The following SYNPR variants were observed in gnomAD, a reference collection of about 807,000 sequenced individuals.
SYNPR encodes the protein synaptoporin.
A neutral mutation model predicts 32.9 loss-of-function variants in SYNPR; 23 were observed. The observed-to-expected ratio is 0.70, with a 90% CI of 0.50 to 0.99. SYNPR has a LOEUF of 0.99. Ranked by LOEUF, SYNPR falls within the 50% of genes least tolerant of loss-of-function variation. SYNPR has a pLI of 0.00. For missense variants in SYNPR, 318 were observed against 349.3 expected, an observed-to-expected ratio of 0.91 and a Z score of 0.71; for synonymous variants, 146 against 135.9, an observed-to-expected ratio of 1.07 and a Z score of -0.52.
chr3:63,442,251 CGAGAGA>C (rs10537945), intron 2 of SYNPR, among the ~76,000 whole-genome samples: 1 of 150,136 alleles, frequency 6.7e-6, no homozygotes, highest in African/African-American at 2.5e-5. Flanking sequence ...GGAAGGAAAG[CGAGAGA>C]GAGAGAGACA....
chr3:63,336,660 CAT>C (rs2087299624), intron 2 of SYNPR, among the ~76,000 whole-genome samples: 1 of 145,982 alleles, frequency 6.9e-6, no homozygotes, highest in Admixed American at 7.0e-5. Context: ...TCAAAGACAA[CAT>C]AGAAAAAAAT....
intron 5 of SYNPR, among the ~76,000 whole-genome samples, chr3:63,609,517 G>A (rs1700169453): frequency 6.6e-6 from 1 of 152,144 alleles, no homozygotes; most frequent in Admixed American, 6.5e-5. Context: ...TTGTAATGTT[G>A]CCGATTAAGG....
At chr3:63,295,987 A>T (rs1419944964) in intron 2 of SYNPR, among the ~76,000 whole-genome samples, 3 of 152,214 alleles carry the variant, frequency 2.0e-5, no homozygotes, top group Non-Finnish European at 4.4e-5. Flanking sequence ...CCTGGGTAGC[A>T]TGCACAAGGC....
intron 3 of SYNPR, among the ~76,000 whole-genome samples, chr3:63,529,629 G>A (rs1212581069): frequency 6.6e-6 from 1 of 152,212 alleles, no homozygotes; most frequent in African/African-American, 2.4e-5. Flanking sequence ...AGAAGTTGAT[G>A]TCTTGACAGA....
chr3:63,507,493 C>G (rs1701612020), intron 3 of SYNPR, among the ~76,000 whole-genome samples: 1 of 152,076 alleles, frequency 6.6e-6, no homozygotes, highest in South Asian at 2.1e-4. Flanking sequence ...AAGTGTTTAT[C>G]AGAAGTGCCA....
chr3:63,381,482 G>C (rs371740322), intron 2 of SYNPR, among the ~76,000 whole-genome samples: 198 of 152,314 alleles, frequency 1.3e-3, no homozygotes, highest in Middle Eastern at 6.8e-3. Flanking sequence ...TACTGCCCAA[G>C]GTAATTTATA....
intron 2 of SYNPR, among the ~76,000 whole-genome samples, chr3:63,297,290 A>G (rs770641901): frequency 1.3e-5 from 2 of 152,136 alleles, no homozygotes; most frequent in African/African-American, 4.8e-5. Context: ...AAGACCCTGT[A>G]TTTTCCAGAC....
At chr3:63,439,357 G>A (rs1280532030) in intron 2 of SYNPR, among the ~76,000 whole-genome samples, 1 of 152,188 alleles carries the variant, frequency 6.6e-6, no homozygotes. Flanking sequence ...AAAGGCAGTA[G>A]CAACAATGTG....
chr3:63,615,710 C>T lies in SYNPR; in HGVS notation c.*229C>T, dbSNP rs986305987. On this transcript the variant is annotated 3_prime_UTR_variant, in exon 6 of 6. Transcript: ENST00000478300. ...ATCATAGATGGCTAATTGGAGAGTACCTTGTTATATATACAGATACTTTCA... is the reference window on the plus strand; with the variant it reads ...ATCATAGATGGCTAATTGGAGAGTATCTTGTTATATATACAGATACTTTCA... 3.9e-6 allele frequency: 2 copies of T among 510,700 alleles called. No homozygotes were observed. Among genetic ancestry groups the T allele is most frequent in the Non-Finnish European group, 6.8e-6 (2 of 294,386 alleles). 31.6% of individuals were successfully genotyped at this position (510,700 alleles called of 1,614,324 possible).
intron 2 of SYNPR, among the ~76,000 whole-genome samples, chr3:63,424,410 A>G (rs1193814067): frequency 6.6e-6 from 1 of 152,176 alleles, no homozygotes; most frequent in African/African-American, 2.4e-5. Context: ...AACACCTTTG[A>G]GACTACTTCA....
chr3:63,436,897 G>C (rs952492015), intron 2 of SYNPR, among the ~76,000 whole-genome samples: 1 of 152,036 alleles, frequency 6.6e-6, no homozygotes, highest in African/African-American at 2.4e-5. Flanking sequence ...TTCTTTTTGA[G>C]ACTGAGTCTT....
At chr3:63,204,545 C>G in the SYNPR span, among the ~76,000 whole-genome samples, 2 of 152,154 alleles carry the variant, frequency 1.3e-5, no homozygotes, top group African/African-American at 2.4e-5. Flanking sequence ...CTTCAACTAT[C>G]TTTTTAGAGG....
chr3:63,398,446 C>A (rs868041783), intron 2 of SYNPR, among the ~76,000 whole-genome samples: 4 of 151,968 alleles, frequency 2.6e-5, no homozygotes, highest in Non-Finnish European at 5.9e-5. Flanking sequence ...TTTGGCCAGG[C>A]GCGGTGGCTC....
chr3:63,368,233 T>C (rs1330247570), intron 2 of SYNPR, among the ~76,000 whole-genome samples: 1 of 152,208 alleles, frequency 6.6e-6, no homozygotes, highest in Non-Finnish European at 1.5e-5. Flanking sequence ...CTGCCTTGGT[T>C]AGCACATTGT....
chr3:63,466,948 C>A (rs1379966816), intron 2 of SYNPR, among the ~76,000 whole-genome samples: 1 of 151,996 alleles, frequency 6.6e-6, no homozygotes, highest in African/African-American at 2.4e-5. Context: ...AGTTGCAAAA[C>A]CTTGATATTC....
intron 1 of SYNPR, among the ~76,000 whole-genome samples, chr3:63,250,211 T>TA (rs1252516352): frequency 6.6e-6 from 1 of 152,162 alleles, no homozygotes; most frequent in East Asian, 1.9e-4. Flanking sequence ...AAAGGAATTG[T>TA]AAATGTTTGA....
intron 3 of SYNPR, among the ~76,000 whole-genome samples, chr3:63,518,986 A>G (rs540440196): frequency 6.6e-6 from 1 of 152,332 alleles, no homozygotes; most frequent in South Asian, 2.1e-4. Context: ...GATGAATTTT[A>G]TCAAAAGCCT....
intron 2 of SYNPR, among the ~76,000 whole-genome samples, chr3:63,307,000 T>C (rs1415334372): frequency 3.9e-5 from 6 of 152,074 alleles, no homozygotes; most frequent in Admixed American, 6.6e-5. Context: ...TACTGAATAC[T>C]TGGTCTGTGC....
chr3:63,434,139 C>G (rs1185433242), intron 2 of SYNPR, among the ~76,000 whole-genome samples: 2 of 152,174 alleles, frequency 1.3e-5, no homozygotes, highest in Non-Finnish European at 2.9e-5. Flanking sequence ...CTTTCATCCT[C>G]TTTCCTACCC....
Sources: gnomAD v4.1 joint callset for allele counts (sites outside exome capture counted in the v4.1 genomes callset) on GRCh38, gnomAD v4.1.1 for gene constraint, MANE v1.5 for transcripts, NCBI Gene and HGNC (gene_info 2026-07-23, HGNC 2026-07-21) for gene names.